DPYD: variants seen among roughly 807,000 people sequenced by gnomAD.
DPYD encodes the protein dihydropyrimidine dehydrogenase, also known as dihydropyrimidine dehydrogenase [NADP(+)].
In DPYD, 109 loss-of-function variants were observed where a neutral mutation model predicts 116.2. The ratio of observed to expected loss-of-function variants is 0.94; its 90% CI spans 0.80 to 1.10. The LOEUF (loss-of-function observed/expected upper bound fraction) is 1.10, where lower values mean the gene tolerates loss of function less well. Ranked by LOEUF, DPYD falls within the 50% of genes least tolerant of loss-of-function variation. The pLI, the probability that DPYD is intolerant of heterozygous loss-of-function variation, is 0.00. For missense variants in DPYD, 1,302 were observed against 1,254.5 expected (o/e 1.04, Z -0.57); for synonymous variants, 440 against 432.0 (o/e 1.02, Z -0.23).
At chr1:97,095,868 T>C (rs1387331789) in intron 21 of DPYD, 3 of 152,218 alleles carry the variant, frequency 2.0e-5, no homozygotes. Context: ...TGACAACAGG[T>C]GGAATGAGTA....
chr1:97,507,818 G>A (rs537236072), intron 13 of DPYD, among the ~76,000 whole-genome samples: 1 of 152,026 alleles, frequency 6.6e-6, no homozygotes, highest in South Asian at 2.1e-4. Context: ...AAGTTTCTTG[G>A]AATCCACATG....
intron 20 of DPYD, among the ~76,000 whole-genome samples, chr1:97,115,128 A>G (rs947097075): frequency 1.6e-4 from 24 of 152,152 alleles, no homozygotes; most frequent in Admixed American, 2.6e-4. Flanking sequence ...CTGCTTATAC[A>G]ATGGTGTGGG....
At chr1:97,774,503 A>G (rs1666298756) in intron 3 of DPYD, among the ~76,000 whole-genome samples, 1 of 152,124 alleles carries the variant, frequency 6.6e-6, no homozygotes. Flanking sequence ...AAATCAGACC[A>G]CCTGTAGAGG....
At chr1:97,564,862 T>C (rs1652405633) in intron 11 of DPYD, among the ~76,000 whole-genome samples, 1 of 152,180 alleles carries the variant, frequency 6.6e-6, no homozygotes, top group Non-Finnish European at 1.5e-5. Context: ...CCAGGCCATC[T>C]TTCCCAAAAT....
chr1:97,839,193 T>C (rs752727941), intron 2 of DPYD, among the ~76,000 whole-genome samples: 10 of 152,324 alleles, frequency 6.6e-5, no homozygotes, highest in Non-Finnish European at 1.2e-4. Context: ...CCCCAATATA[T>C]AAAGCATGTT....
intron 14 of DPYD, among the ~76,000 whole-genome samples, chr1:97,409,888 GC>G (rs1372093402): frequency 6.6e-6 from 1 of 152,032 alleles, no homozygotes; most frequent in Non-Finnish European, 1.5e-5. Flanking sequence ...GACCAGCCTG[GC>G]CAAAATGGTG....
rs1661473234 is a variant in DPYD at position 97,699,459 on chromosome 1, G to A, written c.572C>T (p.Ala191Val). 6.2e-7 allele frequency: 1 copy of A among 1,613,506 alleles called. No homozygotes were observed. The highest frequency in any genetic ancestry group is 8.5e-7 in the Non-Finnish European group (1 of 1,179,694). Residue 191 changes from alanine to valine, a missense_variant, in exon 6 of 23, where the codon GCT becomes GTT. Transcript: ENST00000370192. ...ACTTGCAGGCCCAGCACCAAAAAGA[G>A]CAATCTTTGCAGAATAGGCTTCAGA... is the stretch of plus-strand genomic sequence containing the variant. The part of the protein sequence containing the change: ...KMSEAYSAKI[A>V]LFGAGPASIS...
chr1:97,165,962 T>TA (rs1656293505), intron 20 of DPYD, among the ~76,000 whole-genome samples: 1 of 152,088 alleles, frequency 6.6e-6, no homozygotes, highest in African/African-American at 2.4e-5. Context: ...AGAGAACACT[T>TA]ATACACTGTT....
intron 16 of DPYD, among the ~76,000 whole-genome samples, chr1:97,315,561 C>T (rs1277583695): frequency 6.6e-6 from 1 of 151,946 alleles, no homozygotes; most frequent in African/African-American, 2.4e-5. Context: ...TCAACTGACA[C>T]AACAGTTCTC....
intron 8 of DPYD, among the ~76,000 whole-genome samples, chr1:97,618,672 G>A (rs1272423453): frequency 1.3e-5 from 2 of 152,238 alleles, no homozygotes; most frequent in East Asian, 1.9e-4. Flanking sequence ...CAGCAGCATT[G>A]CTATAGATGA....
intron 20 of DPYD, among the ~76,000 whole-genome samples, chr1:97,158,720 T>G (rs1655673103): frequency 1.3e-5 from 2 of 151,924 alleles, no homozygotes; most frequent in South Asian, 4.1e-4. Context: ...CATCAAAACA[T>G]CTAGAAACTG....
intron 3 of DPYD, among the ~76,000 whole-genome samples, chr1:97,787,110 A>C (rs1667081291): frequency 6.6e-6 from 1 of 152,226 alleles, no homozygotes. Context: ...TTGGTCAATT[A>C]CAGAAAATAC....
At chr1:97,574,112 G>C (rs558758696) in intron 10 of DPYD, 142 bp from the exon 11 acceptor site, 173 of 1,403,594 alleles carry the variant, frequency 1.2e-4, no homozygotes, top group Non-Finnish European at 1.6e-4. Context: ...CTGAGTTTCA[G>C]TTACCAGTTA....
At chr1:97,689,323 T>A (rs920521859) in intron 7 of DPYD, among the ~76,000 whole-genome samples, 4 of 152,050 alleles carry the variant, frequency 2.6e-5, no homozygotes, top group African/African-American at 9.7e-5. Flanking sequence ...AATCAGGTTA[T>A]GTTATTTGGA....
At chr1:97,122,441 A>G (rs1652522706) in intron 20 of DPYD, among the ~76,000 whole-genome samples, 1 of 152,270 alleles carries the variant, frequency 6.6e-6, no homozygotes, top group East Asian at 1.9e-4. Flanking sequence ...AATCTATCCA[A>G]CTTATAACTG....
chr1:97,583,878 G>A (rs1653887236), intron 10 of DPYD, among the ~76,000 whole-genome samples: 1 of 152,040 alleles, frequency 6.6e-6, no homozygotes, highest in Admixed American at 6.5e-5. Flanking sequence ...AAACATACAT[G>A]TGCATGTGTC....
At chr1:97,493,497 G>C (rs1258474998) in intron 13 of DPYD, among the ~76,000 whole-genome samples, 1 of 152,146 alleles carries the variant, frequency 6.6e-6, no homozygotes, top group Non-Finnish European at 1.5e-5. Context: ...TCCTGGCTTT[G>C]AATTTGCTCT....
At chr1:97,574,526 C>T (rs1003327991) in intron 10 of DPYD, among the ~76,000 whole-genome samples, 2 of 152,028 alleles carry the variant, frequency 1.3e-5, no homozygotes, top group Non-Finnish European at 2.9e-5. Context: ...GAAGCAAATA[C>T]TATAAATGAA....
chr1:97,858,377 T>G (rs1173846521), intron 2 of DPYD, among the ~76,000 whole-genome samples: 2 of 152,310 alleles, frequency 1.3e-5, no homozygotes, highest in African/African-American at 4.8e-5. Flanking sequence ...ATTTTTTGTT[T>G]TATTGTGTTA....
Sources: allele counts gnomAD v4.1 joint callset (sites outside exome capture counted in the v4.1 genomes callset), GRCh38; gene constraint gnomAD v4.1.1; transcripts MANE v1.5; gene names NCBI Gene and HGNC (gene_info 2026-07-23, HGNC 2026-07-21).